PPARA: variants seen among roughly 807,000 people sequenced by gnomAD.
The protein encoded by PPARA is peroxisome proliferator activated receptor alpha.
PPARA carries 22 observed loss-of-function variants against 42.2 expected under a neutral mutation model. The observed-to-expected ratio is 0.52, with a 90% CI of 0.37 to 0.74. The LOEUF (loss-of-function observed/expected upper bound fraction) is 0.74. Among genes scored for constraint, PPARA ranks in the 30% least tolerant of loss-of-function variants. PPARA has a pLI of 0.00. For synonymous variants in PPARA, 242 were observed against 239.3 expected (o/e 1.01, Z -0.10); for missense variants, 465 against 608.2 (o/e 0.76, Z 2.48).
At chr22:46,202,145 C>T (rs1430734361) in intron 4 of PPARA, among the ~76,000 whole-genome samples, 4 of 152,046 alleles carry the variant, frequency 2.6e-5, no homozygotes, top group Non-Finnish European at 5.9e-5. Context: ...GGAGGGCTGC[C>T]CAGCCCCCTC....
In PPARA at chr22:46,232,441, G is replaced by A. The variant is rs567233298; in HGVS notation, c.1159+202G>A. Reference sequence around the variant, plus strand: ...ATTGTATAATATTATAGTATATATTGTTATTATCTATAAATACATATTTAA... The same window carrying A: ...ATTGTATAATATTATAGTATATATTATTATTATCTATAAATACATATTTAA... On this transcript the variant is annotated intron_variant, in intron 8 of 8. Coordinates refer to ENST00000407236, the MANE Select transcript of PPARA (RefSeq NM_005036.6). The surrounding 1 kb of genome is among the most constrained non-coding windows in gnomAD (Gnocchi z 5.3). 3.3e-5 allele frequency among the ~76,000 whole-genome samples: 5 copies of A among 150,884 alleles called. No individual in the cohort carries two copies. The South Asian group carries it at 1.0e-3, about 31-fold the overall frequency.
chr22:46,214,284 G>C (rs1413993780), intron 4 of PPARA, among the ~76,000 whole-genome samples: 1 of 152,126 alleles, frequency 6.6e-6, no homozygotes, highest in Non-Finnish European at 1.5e-5. Context: ...GTGCAGCGGA[G>C]ATGTGCGGGC....
chr22:46,177,363 G>T (rs766158426), intron 3 of PPARA, among the ~76,000 whole-genome samples: 5 of 151,438 alleles, frequency 3.3e-5, no homozygotes, highest in Admixed American at 6.6e-5. Context: ...AGTCTCAGAG[G>T]CTGAGGCAGG....
rs1410724072 is a variant in PPARA, at chr22:46,232,427, TTATAG to T, written c.1159+193_1159+197del. On this transcript the variant is annotated intron_variant, in intron 8 of 8. Transcript: ENST00000407236. The surrounding 1 kb of genome is among the most constrained non-coding windows in gnomAD (Gnocchi z 5.3). ...GGAATTATAACAATATTGTATAATA[TTATAG>T]TATATATTGTTATTATCTATAAATA... Among the ~76,000 whole-genome samples the T allele has an allele frequency of 6.6e-6, 1 of 151,934 alleles. No homozygotes were observed. Among genetic ancestry groups the T allele is most frequent in the Non-Finnish European group, 1.5e-5 (1 of 67,976 alleles).
rs1042675645 is a variant in PPARA at position 46,222,182 on chromosome 22, G to A, written c.711+2168G>A. Among the ~76,000 whole-genome samples the A allele has an allele frequency of 7.2e-5, 11 of 151,892 alleles. No individual in the cohort carries two copies. The highest frequency in any genetic ancestry group is 2.4e-4 in the African/African-American group (10 of 41,310). Reference sequence around the variant, plus strand: ...GCAGCCAAATTGCCCCTCATGGTTCGTCCCCCACATCCCCGCCTGCCTGGC... The same window carrying A: ...GCAGCCAAATTGCCCCTCATGGTTCATCCCCCACATCCCCGCCTGCCTGGC... On this transcript the variant is annotated intron_variant, in intron 7 of 8. Coordinates refer to ENST00000407236, the MANE Select transcript of PPARA (RefSeq NM_005036.6). The surrounding 1 kb of genome is among the most constrained non-coding windows in gnomAD (Gnocchi z 5.9).
At chr22:46,229,417 G>A (rs998471715) in intron 7 of PPARA, among the ~76,000 whole-genome samples, 8 of 152,148 alleles carry the variant, frequency 5.3e-5, no homozygotes, top group Non-Finnish European at 1.0e-4. Flanking sequence ...GCTGGGCGTG[G>A]TGATGTGTGC....
At chr22:46,205,555 T>TATATATATATATATATA (rs1491143261) in intron 4 of PPARA, among the ~76,000 whole-genome samples, 10 of 13,390 alleles carry the variant, frequency 7.5e-4, no homozygotes, top group Non-Finnish European at 1.3e-3. Context: ...TATATATATA[T>TATATATATATATATATA]TTTTTTTTTT....
In PPARA at chr22:46,222,517, A is replaced by C. The variant is rs1392602282; in HGVS notation, c.711+2503A>C. 6.6e-6 allele frequency among the ~76,000 whole-genome samples: 1 copy of C among 152,210 alleles called. No individual in the cohort carries two copies. The highest frequency in any genetic ancestry group is 1.5e-5 in the Non-Finnish European group (1 of 68,046). On this transcript the variant is annotated intron_variant, in intron 7 of 8. Coordinates refer to ENST00000407236, the MANE Select transcript of PPARA (RefSeq NM_005036.6). This position sits in a 1 kb window ranked among gnomAD's most constrained non-coding sequence, Gnocchi z 5.9. ...ATTCTTCAGTGAATTCTCCAATTAA[A>C]TAGGCCGAGACATTTTAGAAGTTTC...
intron 3 of PPARA, among the ~76,000 whole-genome samples, chr22:46,185,655 G>A (rs910668892): frequency 1.8e-4 from 28 of 151,534 alleles, no homozygotes; most frequent in African/African-American, 6.6e-4. Context: ...AGCACTTTGG[G>A]AGGCTGAGGC....
chr22:46,207,009 G>A (rs1298376876), intron 4 of PPARA, among the ~76,000 whole-genome samples: 1 of 152,030 alleles, frequency 6.6e-6, no homozygotes, highest in Non-Finnish European at 1.5e-5. Context: ...GATCACCTGA[G>A]GTCAGGAGTT....
chr22:46,185,889 C>T (rs1485415220), intron 3 of PPARA, among the ~76,000 whole-genome samples: 13 of 69,342 alleles, frequency 1.9e-4, no homozygotes, highest in African/African-American at 4.7e-4. Context: ...AGTGAGACTC[C>T]GTCTCCAAAA....
Position 46,198,448 on chromosome 22 carries a change from C to G in PPARA, c.65C>G (p.Pro22Arg), listed in dbSNP as rs1193512118. 5.6e-6 allele frequency: 9 copies of G among 1,613,570 alleles called. No individual in the cohort carries two copies. Among genetic ancestry groups the G allele is most frequent in the East Asian group, 2.2e-5 (1 of 44,872 alleles). ...CTCGAGGCCGGCGATCTAGAGAGCC[C>G]GTTATCTGAAGAGTTCCTGCAAGAA... ...SPLEAGDLESPLSEEFLQEMG... is the reference protein window; with the variant it reads ...SPLEAGDLESRLSEEFLQEMG... Residue 22 changes from proline (P) to arginine (R), a missense_variant, in exon 4 of 9, where the codon CCG becomes CGG. Pro to Arg is a moderately radical substitution (Grantham distance 103). Transcript: ENST00000407236.
Position 46,173,419 on chromosome 22 carries a change from A to C in PPARA, c.-126-3334A>C, listed in dbSNP as rs1183131003. ...ACCCAGCTTCAGGATGGGACATGGG[A>C]TATACCTCGAGTTAGAGGTTCTTAT... On this transcript the variant is annotated intron_variant, in intron 2 of 8. Coordinates refer to ENST00000407236, the MANE Select transcript of PPARA (RefSeq NM_005036.6). The surrounding 1 kb of genome is among the most constrained non-coding windows in gnomAD (Gnocchi z 4.3). Among the ~76,000 whole-genome samples the C allele has an allele frequency of 6.6e-6, 1 of 152,212 alleles. No homozygotes were observed. The highest frequency in any genetic ancestry group is 1.9e-4 in the East Asian group (1 of 5,202).
rs1390920393 is a variant in PPARA at position 46,221,049 on chromosome 22, G to C, written c.711+1035G>C. On this transcript the variant is annotated intron_variant, in intron 7 of 8. Coordinates refer to ENST00000407236, the MANE Select transcript of PPARA (RefSeq NM_005036.6). The surrounding 1 kb of genome is among the most constrained non-coding windows in gnomAD (Gnocchi z 5.9). Reference sequence around the variant, plus strand: ...TTTATAAAGAAAAGAGGTTTAATTGGCTCGTGGCCCACAAGGCTGTACAGG... The same window carrying C: ...TTTATAAAGAAAAGAGGTTTAATTGCCTCGTGGCCCACAAGGCTGTACAGG... 7.3e-6 allele frequency among the ~76,000 whole-genome samples: 1 copy of C among 137,232 alleles called. No individual in the cohort carries two copies. Among genetic ancestry groups the C allele is most frequent in the East Asian group, 1.9e-4 (1 of 5,186 alleles). 90.0% of individuals were successfully genotyped at this position (137,232 alleles called of 152,430 possible). A position where few individuals can be genotyped will look rare whatever the true frequency, so the allele number is the denominator to read the frequency against.
intron 7 of PPARA, 179 bp downstream of exon 7, chr22:46,220,193 C>T: frequency 1.3e-6 from 1 of 772,024 alleles, no homozygotes; most frequent in Non-Finnish European, 2.2e-6. Context: ...AACAACAACT[C>T]CTTTCTTCTT....
intron 2 of PPARA, among the ~76,000 whole-genome samples, chr22:46,159,272 G>T (rs772693993): frequency 2.6e-5 from 4 of 152,168 alleles, no homozygotes; most frequent in Non-Finnish European, 5.9e-5. Flanking sequence ...TTAGAAATGT[G>T]CTTTAAATTG....
chr22:46,217,928 T>C (rs1261500647), intron 5 of PPARA, among the ~76,000 whole-genome samples: 2 of 149,010 alleles, frequency 1.3e-5, no homozygotes, highest in East Asian at 3.9e-4. Flanking sequence ...CCTCCTGGGT[T>C]CAAGTGATTG....
rs1340188221 is a variant in PPARA at position 46,225,877 on chromosome 22, A to G, written c.711+5863A>G. On this transcript the variant is annotated intron_variant, in intron 7 of 8. Coordinates refer to ENST00000407236, the MANE Select transcript of PPARA (RefSeq NM_005036.6). The surrounding 1 kb of genome is among the most constrained non-coding windows in gnomAD (Gnocchi z 4.1). ...CACACACATGCACCCACACATGGAT[A>G]CACGCACACTCACACATGTACCCAC... Among the ~76,000 whole-genome samples the G allele has an allele frequency of 6.6e-6, 1 of 151,850 alleles. No individual in the cohort carries two copies. The highest frequency in any genetic ancestry group is 1.9e-4 in the East Asian group (1 of 5,158).
intron 3 of PPARA, among the ~76,000 whole-genome samples, chr22:46,186,429 G>T (rs1930812857): frequency 6.6e-6 from 1 of 152,168 alleles, no homozygotes; most frequent in Non-Finnish European, 1.5e-5. Flanking sequence ...GACCAGCCGG[G>T]CAGAGAGAAG....
Sources: allele counts gnomAD v4.1 joint callset (sites outside exome capture counted in the v4.1 genomes callset), GRCh38; gene constraint gnomAD v4.1.1; non-coding constraint Gnocchi (gnomAD v3.1); transcripts MANE v1.5; gene names NCBI Gene and HGNC (gene_info 2026-07-23, HGNC 2026-07-21).